The following TOR2A variants were observed in gnomAD, a reference collection of about 807,000 sequenced individuals.
The protein encoded by TOR2A is torsin family 2 member A, also known as prosalusin.
In TOR2A, 24 loss-of-function variants were observed where a neutral mutation model predicts 28.6. The observed-to-expected ratio is 0.84, with a 90% CI of 0.61 to 1.18. The LOEUF (loss-of-function observed/expected upper bound fraction) is 1.18, where lower values mean the gene tolerates loss of function less well. Among genes scored for constraint, TOR2A ranks in the 50% most tolerant of loss-of-function variants. The pLI, the probability that TOR2A is intolerant of heterozygous loss-of-function variation, is 0.00. For synonymous variants in TOR2A, 203 were observed against 203.1 expected (o/e 1.00, Z 0.00); for missense variants, 426 against 448.1 (o/e 0.95, Z 0.45).
At position 127,732,177 on chromosome 9, in the gene TOR2A, C is replaced by T; in HGVS notation, c.823G>A (p.Glu275Lys). The change falls in exon 5 of 5, where the codon GAG becomes AAG. Residue 275 changes from glutamate (E) to lysine (K), a missense_variant. By Grantham distance (56) the Glu-to-Lys change is moderately conservative. Transcript: ENST00000373284. ...GGCTCCAGGCCCAGCTGGGCCAGCT[C>T]GTTGAGCACGCAGTGCCGGACGTGG... Reference protein sequence around the residue: ...RHHVRHCVLNELAQLGLEPRD... With the variant: ...RHHVRHCVLNKLAQLGLEPRD... 2 of 1,613,374 alleles carry T rather than the reference C, an allele frequency of 1.2e-6. No individual in the cohort carries two copies. Among genetic ancestry groups the T allele is most frequent in the South Asian group, 1.1e-5 (1 of 91,076 alleles).
Position 127,732,568 on chromosome 9 carries a change from C to CG in TOR2A, c.716dup (p.His240AlafsTer47). Reference sequence around the variant, plus strand: ...GGGCTGCTGAGCCAGACTCACGGTGCGGGTTGTCCAGCACCGCGCGGGAGA... The same window carrying CG: ...GGGCTGCTGAGCCAGACTCACGGTGCGGGGTTGTCCAGCACCGCGCGGGAGA... On this transcript the variant is annotated frameshift_variant, in exon 4 of 5. Transcript: ENST00000373284. LOFTEE classifies it high-confidence loss of function. The CG allele has an allele frequency of 3.2e-6, 5 of 1,584,900 alleles. No individual in the cohort carries two copies. Among genetic ancestry groups the CG allele is most frequent in the Non-Finnish European group, 4.3e-6 (5 of 1,168,470 alleles).
At chr9:127,734,133 C>G in intron 2 of TOR2A, 166 bp downstream of exon 2, 1 of 880,132 alleles carries the variant, frequency 1.1e-6, no homozygotes, top group Non-Finnish European at 1.6e-6. Flanking sequence ...TACTCCCTGC[C>G]AGGTAGAATG....
chr9:127,734,770 C>A (rs920713009), intron 1 of TOR2A: 4 of 603,184 alleles, frequency 6.6e-6, no homozygotes, highest in Non-Finnish European at 1.0e-5. Flanking sequence ...ACCAGGCGGT[C>A]CTCTAGATTG....
At chr9:127,733,194 G>T (rs1210525231) in intron 3 of TOR2A, 191 bp downstream of exon 3, 4 of 1,585,366 alleles carry the variant, frequency 2.5e-6, no homozygotes, top group African/African-American at 2.7e-5. Context: ...CCCAGAATTT[G>T]CTGAGAATGT....
chr9:127,733,989 G>A (rs1844579007), intron 2 of TOR2A: 1 of 425,302 alleles, frequency 2.4e-6, no homozygotes, highest in African/African-American at 2.0e-5. Context: ...TTTCCAGCAA[G>A]ACAACAGTGC....
At chr9:127,732,978 C>A (rs1428258808) in intron 3 of TOR2A, 1 of 1,379,964 alleles carries the variant, frequency 7.2e-7, no homozygotes, top group African/African-American at 1.5e-5. Context: ...CATTATTGGC[C>A]CCGCTGTTCA....
chr9:127,734,437 G>T lies in TOR2A; in HGVS notation c.279C>A (p.Gly93=). ...PTKPLVLSLH[G]WTGTGKSYVS... is the part of the protein sequence containing the mutation. ...CATAGGATTTGCCGGTGCCGGTCCA[G>T]CCGTGCAGGGAGAGGACCAGCGGCT... is the stretch of plus-strand genomic sequence containing the variant. The change falls in exon 2 of 5, where the codon GGC becomes GGA. Residue 93 remains glycine (G), a synonymous_variant. Coordinates refer to ENST00000373284, the MANE Select transcript of TOR2A (RefSeq NM_001085347.3). 6.2e-7 allele frequency: 1 copy of T among 1,612,084 alleles called. No homozygotes were observed. Among genetic ancestry groups the T allele is most frequent in the Non-Finnish European group, 8.5e-7 (1 of 1,179,586 alleles).
At chr9:127,733,095 C>T (rs1844528338) in intron 3 of TOR2A, 21 of 1,493,206 alleles carry the variant, frequency 1.4e-5, no homozygotes, top group Non-Finnish European at 1.9e-5. Flanking sequence ...CCTATTTTTC[C>T]CAGGCCTGTG....
At position 127,731,661 on chromosome 9, in the gene TOR2A, G is replaced by A; in HGVS notation, c.*373C>T. 3 of 882,576 alleles carry A rather than the reference G, an allele frequency of 3.4e-6. No homozygotes were observed. The highest frequency in any genetic ancestry group is 2.1e-5 in the South Asian group (1 of 48,746). The allele number at this position is 882,576 out of a possible 1,614,324, so 54.7% of individuals were successfully genotyped here. On this transcript the variant is annotated 3_prime_UTR_variant, in exon 5 of 5. Transcript: ENST00000373284. ...CTCCACCTGGCTTGATATGGACACAGGGTGTGGGGTGGAGGGGAGGAGGTA... is the reference window on the plus strand; with the variant it reads ...CTCCACCTGGCTTGATATGGACACAAGGTGTGGGGTGGAGGGGAGGAGGTA...
At chr9:127,734,685 A>ATAGG in intron 1 of TOR2A, 121 bp from the exon 2 acceptor site, 1 of 1,179,088 alleles carries the variant, frequency 8.5e-7, no homozygotes, top group Non-Finnish European at 1.1e-6. Context: ...CTGCCTATGC[A>ATAGG]CATGGCACGC....
Position 127,735,193 on chromosome 9 carries a change from G to T in TOR2A, c.78C>A (p.Ala26=). The T allele has an allele frequency of 6.8e-7, 1 of 1,481,202 alleles. No homozygotes were observed. Among genetic ancestry groups the T allele is most frequent in the Non-Finnish European group, 8.9e-7 (1 of 1,124,294 alleles). 91.8% of individuals were successfully genotyped at this position (1,481,202 alleles called of 1,614,324 possible). Reference sequence around the variant, plus strand: ...AGCGCAGGGAAGCCAGGTCCCAGGCGGCGGCCGCGGCCGAGACCAGCCCGA... The same window carrying T: ...AGCGCAGGGAAGCCAGGTCCCAGGCTGCGGCCGCGGCCGAGACCAGCCCGA... ...GLLGLVSAAA[A]AWDLASLRCT... is the part of the protein sequence containing the mutation. The change falls in exon 1 of 5, where the codon GCC becomes GCA. Residue 26 remains alanine (A), a synonymous_variant. Transcript: ENST00000373284.
In TOR2A at chr9:127,735,102, G is replaced by T; in HGVS notation, c.151+18C>A. 2.8e-6 allele frequency: 4 copies of T among 1,453,396 alleles called. No homozygotes were observed. In the South Asian group the frequency reaches 5.3e-5, roughly 19 times the overall value. 90.0% of individuals were successfully genotyped at this position (1,453,396 alleles called of 1,614,324 possible). A position where few individuals can be genotyped will look rare whatever the true frequency, so the allele number is the denominator to read the frequency against. On this transcript the variant is annotated intron_variant, in intron 1 of 4. Transcript: ENST00000373284. Reference sequence around the variant, plus strand: ...CCGCGTCCGCCCGCCCCTCGCTCCGGGCTCCCTGGCGCCTCACCCGGCAAG... The same window carrying T: ...CCGCGTCCGCCCGCCCCTCGCTCCGTGCTCCCTGGCGCCTCACCCGGCAAG...
chr9:127,731,708 A>G lies in TOR2A; in HGVS notation c.*326T>C. 1 of 675,620 alleles carries G rather than the reference A, an allele frequency of 1.5e-6. No individual in the cohort carries two copies. Among genetic ancestry groups the G allele is most frequent in the Non-Finnish European group, 2.3e-6 (1 of 436,234 alleles). 41.9% of individuals were successfully genotyped at this position (675,620 alleles called of 1,614,324 possible). On this transcript the variant is annotated 3_prime_UTR_variant, in exon 5 of 5. Transcript: ENST00000373284. Reference sequence around the variant, plus strand: ...GGTATGGTGCCCGACCAAGGAGGCAAGGGGCAAGGGTGGCAGACTGAGGAG... The same window carrying G: ...GGTATGGTGCCCGACCAAGGAGGCAGGGGGCAAGGGTGGCAGACTGAGGAG...
chr9:127,733,627 A>T, intron 2 of TOR2A, 67 bp from the exon 3 acceptor site: 1 of 1,374,022 alleles, frequency 7.3e-7, no homozygotes, highest in Non-Finnish European at 9.8e-7. Context: ...CCTCTTCCCA[A>T]ACCAAAACTA....
intron 1 of TOR2A, 198 bp from the exon 2 acceptor site, chr9:127,734,762 C>G (rs768692673): frequency 1.6e-6 from 1 of 630,372 alleles, no homozygotes; most frequent in Non-Finnish European, 2.4e-6. Flanking sequence ...GCGCCCCCAC[C>G]AGGCGGTCCT....
At position 127,734,527 on chromosome 9, in the gene TOR2A, C is replaced by G; in HGVS notation, c.189G>C (p.Gln63His). 6.5e-7 allele frequency: 1 copy of G among 1,537,250 alleles called. No individual in the cohort carries two copies. Among genetic ancestry groups the G allele is most frequent in the Non-Finnish European group, 8.8e-7 (1 of 1,141,524 alleles). ...TCACCACCAGCGCCTTGGCCAGATG[C>G]TGGCCGGCCAGGTGCTGAGCCAGGT... ...ECDLAQHLAG[Q>H]HLAKALVVKA... The change falls in exon 2 of 5, where the codon CAG becomes CAC. Residue 63 changes from glutamine to histidine, a missense_variant. Transcript: ENST00000373284.
At position 127,731,764 on chromosome 9, in the gene TOR2A, T is replaced by A. The variant is rs1347428277; in HGVS notation, c.*270A>T. 1.4e-6 allele frequency: 1 copy of A among 696,118 alleles called. No homozygotes were observed. Among genetic ancestry groups the A allele is most frequent in the African/African-American group, 1.8e-5 (1 of 55,744 alleles). 43.1% of individuals were successfully genotyped at this position (696,118 alleles called of 1,614,324 possible). ...ACCGCCACGAGCCACAGTCCCTGAG[T>A]TATAATTCACAGTAAGAAGGCTCAG... On this transcript the variant is annotated 3_prime_UTR_variant, in exon 5 of 5. Coordinates refer to ENST00000373284, the MANE Select transcript of TOR2A (RefSeq NM_001085347.3).
chr9:127,732,809 C>A, intron 3 of TOR2A, 118 bp from the exon 4 acceptor site: 1 of 1,454,736 alleles, frequency 6.9e-7, no homozygotes. Context: ...GGGGAGGAGC[C>A]AACTCCACTG....
At chr9:127,732,371 C>A in intron 4 of TOR2A, 93 bp from the exon 5 acceptor site, 1 of 1,481,020 alleles carries the variant, frequency 6.8e-7, no homozygotes, top group East Asian at 2.4e-5. Flanking sequence ...AAAATGCTGG[C>A]CTCAGTTCCC....
Sources: gnomAD v4.1 joint callset for allele counts on GRCh38, gnomAD v4.1.1 for gene constraint, MANE v1.5 for transcripts, NCBI Gene and HGNC (gene_info 2026-07-23, HGNC 2026-07-21) for gene names.